CELF2: variants seen among roughly 807,000 people sequenced by gnomAD.
The protein encoded by CELF2 is CUG triplet repeat RNA-binding protein 2.
In CELF2, 8 loss-of-function variants were observed where a neutral mutation model predicts 62.6. That is an observed-to-expected ratio of 0.13 (90% CI 0.07 to 0.23). The LOEUF is 0.23. Ranked by LOEUF, CELF2 falls within the 10% of genes least tolerant of loss-of-function variation. The pLI is 1.00. For synonymous variants in CELF2, 258 were observed against 250.0 expected, an observed-to-expected ratio of 1.03 and a Z score of -0.30; for missense variants, 333 against 671.0, an observed-to-expected ratio of 0.50 and a Z score of 5.56.
the CELF2 span, among the ~76,000 whole-genome samples, chr10:10,503,194 A>G: frequency 7.2e-5 from 11 of 151,972 alleles, no homozygotes; most frequent in African/African-American, 2.4e-4. Context: ...AATAATTCAT[A>G]TTCTGCTATT....
the CELF2 span, among the ~76,000 whole-genome samples, chr10:10,617,832 G>C: frequency 2.0e-5 from 3 of 152,100 alleles, no homozygotes; most frequent in African/African-American, 4.8e-5. Flanking sequence ...GGGATTGCCA[G>C]AAAGGATGCA....
the CELF2 span, among the ~76,000 whole-genome samples, chr10:10,759,918 T>G: frequency 1.3e-5 from 2 of 152,164 alleles, no homozygotes; most frequent in Admixed American, 6.5e-5. Context: ...TTTTTTTTGT[T>G]TTTTGAGATG....
At chr10:11,148,848 A>ACC (rs2062757341) in intron 1 of CELF2, among the ~76,000 whole-genome samples, 1 of 109,896 alleles carries the variant, frequency 9.1e-6, no homozygotes, top group African/African-American at 2.8e-5. Context: ...AACCAAACAC[A>ACC]CACACACACA....
the CELF2 span, among the ~76,000 whole-genome samples, chr10:10,780,636 G>A: frequency 4.2e-3 from 646 of 152,012 alleles, 5 homozygotes; most frequent in African/African-American, 0.015. Flanking sequence ...GCCTGCTACC[G>A]TGCCCAGCTA....
At chr10:10,641,846 A>G in the CELF2 span, among the ~76,000 whole-genome samples, 61 of 152,334 alleles carry the variant, frequency 4.0e-4, no homozygotes, top group African/African-American at 1.4e-3. Context: ...ACAAAAATAA[A>G]TACGAAAATT....
intron 1 of CELF2, among the ~76,000 whole-genome samples, chr10:10,834,470 A>G (rs960762012): frequency 3.9e-5 from 6 of 152,198 alleles, no homozygotes; most frequent in African/African-American, 1.4e-4. Context: ...AAAAAGAATG[A>G]GGGGTGAGCT....
chr10:10,572,802 ATAGTGCTGC>A, the CELF2 span, among the ~76,000 whole-genome samples: 15 of 152,146 alleles, frequency 9.9e-5, no homozygotes, highest in Non-Finnish European at 1.9e-4. Flanking sequence ...TCTATTGTGA[ATAGTGCTGC>A]AATGAACATA....
intron 9 of CELF2, among the ~76,000 whole-genome samples, chr10:11,303,114 G>T (rs1315419297): frequency 6.6e-6 from 1 of 152,192 alleles, no homozygotes; most frequent in African/African-American, 2.4e-5. Flanking sequence ...GCTCTCCTCT[G>T]TATCGAACTA....
At chr10:11,000,236 CT>C (rs1212320584) in intron 2 of CELF2, among the ~76,000 whole-genome samples, 2 of 151,954 alleles carry the variant, frequency 1.3e-5, no homozygotes, top group African/African-American at 4.8e-5. Flanking sequence ...TTCCTTTCTT[CT>C]TCTTGTCTTC....
chr10:10,664,467 T>C, the CELF2 span, among the ~76,000 whole-genome samples: 1 of 152,230 alleles, frequency 6.6e-6, no homozygotes. Flanking sequence ...CTTGGATATT[T>C]GAAACAATAT....
At chr10:10,482,240 G>A in the CELF2 span, among the ~76,000 whole-genome samples, 5 of 152,146 alleles carry the variant, frequency 3.3e-5, no homozygotes, top group South Asian at 1.0e-3. Context: ...CATATGGTAT[G>A]TTTTTTGCAA....
At chr10:10,745,936 TC>T in the CELF2 span, among the ~76,000 whole-genome samples, 1 of 152,248 alleles carries the variant, frequency 6.6e-6, no homozygotes, top group Admixed American at 6.5e-5. Context: ...TTCCTGCCTG[TC>T]ATTTGGTTTT....
At chr10:10,667,693 C>T in the CELF2 span, among the ~76,000 whole-genome samples, 1 of 152,042 alleles carries the variant, frequency 6.6e-6, no homozygotes, top group South Asian at 2.1e-4. Context: ...TGCCTCTCTG[C>T]GCACACAAAT....
At chr10:10,478,503 A>AC in the CELF2 span, among the ~76,000 whole-genome samples, 4 of 151,860 alleles carry the variant, frequency 2.6e-5, no homozygotes, top group South Asian at 2.1e-4. Flanking sequence ...TTGGAGAAAA[A>AC]AAATCAGTAA....
the CELF2 span, among the ~76,000 whole-genome samples, chr10:10,780,820 C>G: frequency 6.6e-6 from 1 of 152,318 alleles, no homozygotes; most frequent in African/African-American, 2.4e-5. Context: ...ATAATCCCAG[C>G]CTGTGGTATT....
the CELF2 span, among the ~76,000 whole-genome samples, chr10:10,728,379 G>A: frequency 6.7e-6 from 1 of 149,318 alleles, no homozygotes; most frequent in Admixed American, 6.7e-5. Flanking sequence ...CCTGAAGCCA[G>A]GAGGCAGAGG....
chr10:10,508,876 A>G, the CELF2 span, among the ~76,000 whole-genome samples: 3 of 152,010 alleles, frequency 2.0e-5, no homozygotes, highest in East Asian at 1.9e-4. Context: ...GGGTTTCACT[A>G]TCTTAGCCAG....
the CELF2 span, among the ~76,000 whole-genome samples, chr10:10,733,621 C>A: frequency 6.6e-6 from 1 of 152,058 alleles, no homozygotes; most frequent in African/African-American, 2.4e-5. Context: ...TTGGGGGGGC[C>A]TCACAATCAT....
chr10:10,954,781 A>T (rs1446095092), intron 2 of CELF2, among the ~76,000 whole-genome samples: 7 of 152,260 alleles, frequency 4.6e-5, no homozygotes. Flanking sequence ...TAAAGTAAAA[A>T]TAATGATGTT....
Sources: allele counts gnomAD v4.1 joint callset (sites outside exome capture counted in the v4.1 genomes callset), GRCh38; gene constraint gnomAD v4.1.1; transcripts MANE v1.5; gene names NCBI Gene and HGNC (gene_info 2026-07-23, HGNC 2026-07-21).